Variants in HTD2 observed in about 807,000 individuals in gnomAD.
HTD2 encodes hydroxyacyl-thioester dehydratase type 2, mitochondrial.
HTD2 carries 1 observed loss-of-function variant against 3.1 expected under a neutral mutation model. The observed-to-expected ratio is 0.32, with a 90% CI of 0.11 to 1.52. The LOEUF (loss-of-function observed/expected upper bound fraction) is 1.52, where lower values mean the gene tolerates loss of function less well. Ranked by LOEUF, HTD2 falls within the 40% of genes most tolerant of loss-of-function variation. HTD2 has a pLI of 0.39. For missense variants in HTD2, 150 were observed against 79.6 expected (o/e 1.88, Z -3.36); for synonymous variants, 50 against 28.9 (o/e 1.73, Z -2.34).
chr3:58,315,523 G>A (rs933835071), intron 2 of HTD2, among the ~76,000 whole-genome samples: 1 of 152,148 alleles, frequency 6.6e-6, no homozygotes, highest in Non-Finnish European at 1.5e-5. Flanking sequence ...GGTATAAATA[G>A]GAGTAGACAT....
chr3:58,317,336 C>T (rs1224111866), intron 4 of HTD2, 104 bp from the exon 5 acceptor site: 1 of 740,144 alleles, frequency 1.4e-6, no homozygotes, highest in South Asian at 1.8e-5. Flanking sequence ...TAAAATGCTC[C>T]TGCATCAGCT....
chr3:58,317,604 G>T lies in HTD2; in HGVS notation c.-10G>T. On this transcript the variant is annotated 5_prime_UTR_variant, in exon 5 of 5. Coordinates refer to ENST00000461393, the MANE Select transcript of HTD2 (RefSeq NM_001348712.2). The stretch of plus-strand genomic sequence containing the variant: ...CTAAAAGCTCTTGATGAAATTTGAG[G>T]GTGCTGAAGATGTTCCCACTAATTT... 1 of 812,058 alleles carries T rather than the reference G, an allele frequency of 1.2e-6. No homozygotes were observed. The highest frequency in any genetic ancestry group is 1.4e-5 in the South Asian group (1 of 70,120). 50.3% of individuals were successfully genotyped at this position (812,058 alleles called of 1,614,324 possible).
intron 2 of HTD2, 143 bp from the exon 3 acceptor site, chr3:58,316,372 A>G: frequency 1.5e-6 from 1 of 679,914 alleles, no homozygotes; most frequent in Non-Finnish European, 2.6e-6. Context: ...AGCTGTAAGT[A>G]GGCAACTAAA....
At position 58,316,598 on chromosome 3, in the gene HTD2, CAG is replaced by C. The variant is rs1331904056; in HGVS notation, c.-254+12_-254+13del. ...TCTTGAGAATATGTAGCAGGTATGA[CAG>C]AGAGTGGGAAATTTCTAGTATAACA... On this transcript the variant is annotated splice_region_variant and intron_variant, in intron 3 of 4. Coordinates refer to ENST00000461393, the MANE Select transcript of HTD2 (RefSeq NM_001348712.2). The C allele has an allele frequency of 6.2e-7, 1 of 1,611,344 alleles. No individual in the cohort carries two copies. The highest frequency in any genetic ancestry group is 8.5e-7 in the Non-Finnish European group (1 of 1,177,590).
At chr3:58,306,871 A>C (rs1350709697) in intron 1 of HTD2, among the ~76,000 whole-genome samples, 1 of 152,246 alleles carries the variant, frequency 6.6e-6, no homozygotes, top group Non-Finnish European at 1.5e-5. Flanking sequence ...GGAAGTACAG[A>C]TAAAGATAAA....
At position 58,319,832 on chromosome 3, in the gene HTD2, A is replaced by G. The variant is rs1449553570; in HGVS notation, c.*1712A>G. On this transcript the variant is annotated 3_prime_UTR_variant, in exon 5 of 5. Coordinates refer to ENST00000461393, the MANE Select transcript of HTD2 (RefSeq NM_001348712.2). ...TCCCGTTTTTTAATAAAATTGAGAT[A>G]TAATTCACATACCATAAAATTCACC... 1.3e-5 allele frequency: 2 copies of G among 152,134 alleles called. No homozygotes were observed. The highest frequency in any genetic ancestry group is 2.9e-5 in the Non-Finnish European group (2 of 68,024). The allele number at this position is 152,134 out of a possible 1,614,324, so 9.4% of individuals were successfully genotyped here.
At chr3:58,317,324 T>C (rs1488139038) in intron 4 of HTD2, 116 bp from the exon 5 acceptor site, 2 of 689,094 alleles carry the variant, frequency 2.9e-6, no homozygotes, top group Non-Finnish European at 5.0e-6. Context: ...CAGGATGCTC[T>C]GTAAAATGCT....
rs556467926 is a variant in HTD2, at chr3:58,311,528, T to G, written c.-331+937T>G. On this transcript the variant is annotated intron_variant, in intron 2 of 4. Transcript: ENST00000461393. ...TCTTTCTGTGCCTGGCTGGCTTCACTTAACAAAATGGCCTCCAGTTCTATT... is the reference window on the plus strand; with the variant it reads ...TCTTTCTGTGCCTGGCTGGCTTCACGTAACAAAATGGCCTCCAGTTCTATT... Among the ~76,000 whole-genome samples, 4 of 152,218 alleles carry G rather than the reference T, an allele frequency of 2.6e-5. No homozygotes were observed. The South Asian group carries it at 8.3e-4, about 32-fold the overall frequency.
chr3:58,317,139 C>G, intron 4 of HTD2, 146 bp downstream of exon 4: 1 of 649,970 alleles, frequency 1.5e-6, no homozygotes, highest in Non-Finnish European at 2.6e-6. Flanking sequence ...TTGATTGTTT[C>G]CAAAAATGTG....
At chr3:58,312,174 A>G (rs1423940254) in intron 2 of HTD2, among the ~76,000 whole-genome samples, 1 of 151,686 alleles carries the variant, frequency 6.6e-6, no homozygotes, top group East Asian at 1.9e-4. Flanking sequence ...TTTTTGGGAA[A>G]CCTCCATACT....
chr3:58,311,708 C>CT (rs756755418), intron 2 of HTD2, among the ~76,000 whole-genome samples: 156 of 139,128 alleles, frequency 1.1e-3, no homozygotes, highest in Admixed American at 2.4e-3. Flanking sequence ...TGCATATGTC[C>CT]TTTTTTTTTT....
intron 1 of HTD2, among the ~76,000 whole-genome samples, chr3:58,309,900 A>T (rs2097480259): frequency 1.3e-5 from 2 of 152,016 alleles, no homozygotes; most frequent in Non-Finnish European, 2.9e-5. Flanking sequence ...TCCAAAAAAA[A>T]AATAATAATA....
At chr3:58,316,817 A>T in intron 3 of HTD2, 98 bp from the exon 4 acceptor site, 1 of 1,097,696 alleles carries the variant, frequency 9.1e-7, no homozygotes, top group Non-Finnish European at 1.4e-6. Context: ...TGATGGTTAT[A>T]GTTGCAAAGT....
At position 58,319,785 on chromosome 3, in the gene HTD2, T is replaced by A. The variant is rs951125821; in HGVS notation, c.*1665T>A. 1 of 152,128 alleles carries A rather than the reference T, an allele frequency of 6.6e-6. No individual in the cohort carries two copies. The highest frequency in any genetic ancestry group is 1.5e-5 in the Non-Finnish European group (1 of 68,024). The allele number at this position is 152,128 out of a possible 1,614,324, so 9.4% of individuals were successfully genotyped here. On this transcript the variant is annotated 3_prime_UTR_variant, in exon 5 of 5. Transcript: ENST00000461393. ...GGCCATCCCAACACAGCCAACACTTTTGTTTCCCATTTTTTTTTGTTTCCC... is the reference window on the plus strand; with the variant it reads ...GGCCATCCCAACACAGCCAACACTTATGTTTCCCATTTTTTTTTGTTTCCC...
In HTD2 at chr3:58,317,463, A is replaced by T; in HGVS notation, c.-151A>T. 1.2e-6 allele frequency: 2 copies of T among 1,601,576 alleles called. No individual in the cohort carries two copies. The highest frequency in any genetic ancestry group is 1.7e-6 in the Non-Finnish European group (2 of 1,169,636). ...AGGTTTCTCCATTTCTTCTTGCATT[A>T]TCTGGTAATAGTAGGGAACTAGTAT... On this transcript the variant is annotated 5_prime_UTR_variant, in exon 5 of 5. Transcript: ENST00000461393.
chr3:58,317,061 C>A, intron 4 of HTD2, 68 bp downstream of exon 4: 2 of 1,122,272 alleles, frequency 1.8e-6, no homozygotes, highest in Non-Finnish European at 1.3e-6. Context: ...TTAATATACA[C>A]AACTCATTTT....
At chr3:58,308,709 G>A (rs2097478487) in intron 1 of HTD2, among the ~76,000 whole-genome samples, 2 of 152,200 alleles carry the variant, frequency 1.3e-5, no homozygotes, top group African/African-American at 4.8e-5. Flanking sequence ...ATAGCTCTGT[G>A]ACCTTGGATA....
chr3:58,313,918 G>C (rs969842597), intron 2 of HTD2, among the ~76,000 whole-genome samples: 1 of 152,248 alleles, frequency 6.6e-6, no homozygotes, highest in African/African-American at 2.4e-5. Flanking sequence ...CTGGTGCAGT[G>C]GCTCATGCCC....
rs1294598977 is a variant in HTD2 at position 58,318,796 on chromosome 3, T to A, written c.*676T>A. ...AGGCGAATCACTTGAGGTCAGGAGT[T>A]CAAGACCAGCCTGGCCAACATGTGA... On this transcript the variant is annotated 3_prime_UTR_variant, in exon 5 of 5. Transcript: ENST00000461393. The A allele has an allele frequency of 6.7e-6, 1 of 149,484 alleles. No homozygotes were observed. Among genetic ancestry groups the A allele is most frequent in the African/African-American group, 2.5e-5 (1 of 40,532 alleles). The allele number at this position is 149,484 out of a possible 1,614,324, so 9.3% of individuals were successfully genotyped here. A position where few individuals can be genotyped will look rare whatever the true frequency, so the allele number is the denominator to read the frequency against.
Sources: allele counts gnomAD v4.1 joint callset (sites outside exome capture counted in the v4.1 genomes callset), GRCh38; gene constraint gnomAD v4.1.1; transcripts MANE v1.5; gene names NCBI Gene and HGNC (gene_info 2026-07-23, HGNC 2026-07-21).